BID: variants seen among roughly 807,000 people sequenced by gnomAD.
BID encodes the protein BH3 interacting domain death agonist, also known as BH3-interacting domain death agonist.
In BID, 19 loss-of-function variants were observed where a neutral mutation model predicts 17.4. The ratio of observed to expected loss-of-function variants is 1.09; its 90% CI spans 0.76 to 1.60. The LOEUF is 1.60. BID is among the 40% of genes most tolerant of loss of function. The pLI, the probability that BID is intolerant of heterozygous loss-of-function variation, is 0.00. For synonymous variants in BID, 108 were observed against 102.8 expected (o/e 1.05, Z -0.31); for missense variants, 226 against 256.0 (o/e 0.88, Z 0.80).
Position 17,738,112 on chromosome 22 carries a change from T to A in BID, c.481A>T (p.Ser161Cys). 1 of 1,614,180 alleles carries A rather than the reference T, an allele frequency of 6.2e-7. No individual in the cohort carries two copies. The highest frequency in any genetic ancestry group is 8.5e-7 in the Non-Finnish European group (1 of 1,180,048). The stretch of plus-strand genomic sequence containing the variant: ...TCACGGAGCAAGGACGGCGTGTGAC[T>A]GGCCACCTTCTTGGCCAGCAGCAGG... ...LALLLAKKVA[S>C]HTPSLLRDVF... is the part of the protein sequence containing the mutation. The change falls in exon 5 of 6, where the codon AGT becomes TGT. Residue 161 changes from serine to cysteine, a missense_variant. Ser to Cys is a moderately radical substitution (Grantham distance 112, BLOSUM62 -1). Coordinates refer to ENST00000622694, the MANE Select transcript of BID (RefSeq NM_001196.4).
At chr22:17,765,513 C>T (rs1298224129) in intron 1 of BID, among the ~76,000 whole-genome samples, 2 of 152,190 alleles carry the variant, frequency 1.3e-5, no homozygotes, top group African/African-American at 2.4e-5. Flanking sequence ...TATTTTGGTA[C>T]AGTACACTTT....
At chr22:17,750,566 T>C (rs1186127358) in intron 1 of BID, among the ~76,000 whole-genome samples, 3 of 152,280 alleles carry the variant, frequency 2.0e-5, no homozygotes, top group South Asian at 2.1e-4. Flanking sequence ...CAGTAGCTCA[T>C]GCCTGTAATC....
intron 1 of BID, 123 bp from the exon 2 acceptor site, chr22:17,750,297 C>T (rs1028227613): frequency 3.7e-5 from 29 of 778,164 alleles, no homozygotes; most frequent in Non-Finnish European, 5.2e-5. Context: ...CTGGCCTGAG[C>T]CCCGCATCCT....
intron 1 of BID, among the ~76,000 whole-genome samples, chr22:17,759,246 C>CAAAAAAAA (rs61124020): frequency 1.7e-5 from 2 of 114,788 alleles, no homozygotes; most frequent in African/African-American, 3.1e-5. Context: ...AAAAACAAAA[C>CAAAAAAAA]AAAAAAAAAA....
intron 3 of BID, 146 bp from the exon 4 acceptor site, chr22:17,739,634 G>T: frequency 2.7e-6 from 3 of 1,096,908 alleles, no homozygotes; most frequent in African/African-American, 1.6e-5. Flanking sequence ...CTCCACCAGG[G>T]CCACAGCGGG....
At chr22:17,739,328 G>A (rs749450909) in intron 4 of BID, 21 bp downstream of exon 4, 65 of 1,554,996 alleles carry the variant, frequency 4.2e-5, no homozygotes, top group Non-Finnish European at 5.2e-5. Context: ...CCGCCCACGC[G>A]GTCCTCAGGC....
At chr22:17,757,581 C>T (rs922543863) in intron 1 of BID, among the ~76,000 whole-genome samples, 108 of 151,122 alleles carry the variant, frequency 7.1e-4, no homozygotes, top group Admixed American at 1.3e-3. Context: ...TGGTGGCGGG[C>T]GCCTGTAATC....
chr22:17,735,421 T>TAAG lies in BID; in HGVS notation c.*156_*158dup, dbSNP rs1320084329. On this transcript the variant is annotated 3_prime_UTR_variant, in exon 6 of 6. Transcript: ENST00000622694. ...AATGTAGATATTTTAAAGTGGGTTA[T>TAAG]AAGTTTAACATTGTCTTTAAAATAG... The TAAG allele has an allele frequency of 5.3e-6, 4 of 757,826 alleles. No individual in the cohort carries two copies. Among genetic ancestry groups the TAAG allele is most frequent in the African/African-American group, 1.8e-5 (1 of 56,600 alleles). The allele number at this position is 757,826 out of a possible 1,614,324, so 46.9% of individuals were successfully genotyped here. A position where few individuals can be genotyped will look rare whatever the true frequency, so the allele number is the denominator to read the frequency against.
intron 1 of BID, among the ~76,000 whole-genome samples, chr22:17,770,402 C>T (rs1310208767): frequency 6.6e-6 from 1 of 152,114 alleles, no homozygotes; most frequent in African/African-American, 2.4e-5. Context: ...AAGGGTTTTC[C>T]CTTCTCTTTG....
chr22:17,752,398 C>T (rs2061546357), intron 1 of BID, among the ~76,000 whole-genome samples: 1 of 152,166 alleles, frequency 6.6e-6, no homozygotes, highest in Non-Finnish European at 1.5e-5. Flanking sequence ...GGCCGAAGTC[C>T]CATACCAGTG....
chr22:17,738,367 T>A, intron 4 of BID, 138 bp from the exon 5 acceptor site: 1 of 818,406 alleles, frequency 1.2e-6, no homozygotes, highest in Non-Finnish European at 1.9e-6. Flanking sequence ...GAGAAACAGT[T>A]GAGTTCTGAG....
intron 1 of BID, among the ~76,000 whole-genome samples, chr22:17,754,151 A>G (rs970582379): frequency 2.0e-5 from 3 of 150,852 alleles, no homozygotes; most frequent in South Asian, 4.2e-4. Context: ...ACTCTGCCGG[A>G]TGGGGGTGAC....
chr22:17,738,949 AG>A (rs1308052931), intron 4 of BID, among the ~76,000 whole-genome samples: 1 of 152,154 alleles, frequency 6.6e-6, no homozygotes, highest in Non-Finnish European at 1.5e-5. Context: ...CAGATGGTAG[AG>A]CTCAGAAAGT....
At position 17,734,828 on chromosome 22, in the gene BID, A is replaced by G. The variant is rs2061408528; in HGVS notation, c.*752T>C. 2.0e-5 allele frequency: 3 copies of G among 152,256 alleles called. No individual in the cohort carries two copies. The highest frequency in any genetic ancestry group is 2.0e-4 in the Admixed American group (3 of 15,288). The allele number at this position is 152,256 out of a possible 1,614,324, so 9.4% of individuals were successfully genotyped here. ...GATGTCATGGAAAGAGAAAAAGTGT[A>G]TGCAGTTAGTTACCTGATTTTGTAA... On this transcript the variant is annotated 3_prime_UTR_variant, in exon 6 of 6. Transcript: ENST00000622694.
At position 17,738,085 on chromosome 22, in the gene BID, C is replaced by G. The variant is rs778362797; in HGVS notation, c.508G>C (p.Val170Leu). 1.2e-6 allele frequency: 2 copies of G among 1,614,184 alleles called. No homozygotes were observed. The highest frequency in any genetic ancestry group is 1.7e-6 in the Non-Finnish European group (2 of 1,180,042). Residue 170 changes from valine to leucine, a missense_variant, in exon 5 of 6, where the codon GTC becomes CTC. Transcript: ENST00000622694. ...ATAAAATTCACTGTTGTGTGAAAGA[C>G]ATCACGGAGCAAGGACGGCGTGTGA... Reference protein sequence around the residue: ...ASHTPSLLRDVFHTTVNFINQ... With the variant: ...ASHTPSLLRDLFHTTVNFINQ...
chr22:17,740,304 T>A, intron 3 of BID: 2 of 806,188 alleles, frequency 2.5e-6, no homozygotes, highest in Non-Finnish European at 4.1e-6. Context: ...CCAGGTGTGG[T>A]CATGCATGCC....
chr22:17,749,547 A>G (rs138796915), intron 2 of BID, among the ~76,000 whole-genome samples: 1 of 152,280 alleles, frequency 6.6e-6, no homozygotes, highest in East Asian at 1.9e-4. Context: ...CAGTACTTTT[A>G]TTTGACCTTT....
chr22:17,753,060 G>A (rs1034579909), intron 1 of BID, among the ~76,000 whole-genome samples: 8 of 138,178 alleles, frequency 5.8e-5, no homozygotes, highest in Admixed American at 4.9e-4. Flanking sequence ...TCCGCCTCCC[G>A]GGTTCACGCC....
At chr22:17,752,329 G>A (rs111444286) in intron 1 of BID, among the ~76,000 whole-genome samples, 27 of 152,280 alleles carry the variant, frequency 1.8e-4, no homozygotes, top group African/African-American at 6.3e-4. Context: ...AGCAGTGGGG[G>A]CACGGCTCAT....
Sources: allele counts gnomAD v4.1 joint callset (sites outside exome capture counted in the v4.1 genomes callset), GRCh38; gene constraint gnomAD v4.1.1; transcripts MANE v1.5; gene names NCBI Gene and HGNC (gene_info 2026-07-23, HGNC 2026-07-21).